Variants in ALDH1L1 observed in about 807,000 individuals in gnomAD.
The protein encoded by ALDH1L1 is cytosolic 10-formyltetrahydrofolate dehydrogenase.
ALDH1L1 carries 68 observed loss-of-function variants against 101.1 expected under a neutral mutation model. The observed-to-expected ratio is 0.67, with a 90% CI of 0.55 to 0.82. The LOEUF (loss-of-function observed/expected upper bound fraction) is 0.82, where lower values mean the gene tolerates loss of function less well. Among genes scored for constraint, ALDH1L1 ranks in the 40% least tolerant of loss-of-function variants. The pLI is 0.00. For missense variants in ALDH1L1, 1,087 were observed against 1,172.7 expected (o/e 0.93, Z 1.07); for synonymous variants, 486 against 470.8 (o/e 1.03, Z -0.42).
intron 1 of ALDH1L1, among the ~76,000 whole-genome samples, chr3:126,163,074 T>C (rs1435168371): frequency 6.6e-6 from 1 of 152,212 alleles, no homozygotes; most frequent in African/African-American, 2.4e-5. Context: ...TAAAGCTTTA[T>C]TGTAGCTGAT....
At chr3:126,144,544 C>T (rs2080633903) in intron 9 of ALDH1L1, among the ~76,000 whole-genome samples, 1 of 152,138 alleles carries the variant, frequency 6.6e-6, no homozygotes, top group Admixed American at 6.5e-5. Context: ...TAGAAATAAA[C>T]CTAAACATAT....
At chr3:126,162,803 G>A (rs1310238719) in intron 1 of ALDH1L1, among the ~76,000 whole-genome samples, 1 of 152,122 alleles carries the variant, frequency 6.6e-6, no homozygotes, top group Non-Finnish European at 1.5e-5. Flanking sequence ...TGTCATTCAA[G>A]ATCTTTATTG....
intron 1 of ALDH1L1, among the ~76,000 whole-genome samples, chr3:126,165,386 T>A (rs2108313295): frequency 6.6e-6 from 1 of 152,350 alleles, no homozygotes; most frequent in East Asian, 1.9e-4. Context: ...AAGTTTTCTT[T>A]TTTTGTTATG....
rs375437366 is a variant in ALDH1L1, at chr3:126,131,556, G to A, written c.1473-22C>T. ...CAACCTGACCAGGGTGAGGGGAAGC[G>A]GGAGGTGGGCTCAGGCCTGGCACGG... On this transcript the variant is annotated intron_variant, in intron 12 of 22. Transcript: ENST00000393434. 2.3e-5 allele frequency: 36 copies of A among 1,594,022 alleles called. No homozygotes were observed. The African/African-American group carries it at 2.7e-4, about 12-fold the overall frequency.
At chr3:126,146,762 C>G in intron 9 of ALDH1L1, 73 bp downstream of exon 9, 1 of 1,509,572 alleles carries the variant, frequency 6.6e-7, no homozygotes, top group Non-Finnish European at 9.1e-7. Context: ...TTGTTTCCTG[C>G]TGCTCAGTTT....
rs375361827 is a variant in ALDH1L1, at chr3:126,109,965, C to T, written c.2326G>A (p.Gly776Arg). 2.5e-6 allele frequency: 4 copies of T among 1,614,066 alleles called. No homozygotes were observed. The highest frequency in any genetic ancestry group is 3.4e-6 in the Non-Finnish European group (4 of 1,179,984). The change falls in exon 20 of 23, where the codon GGG (glycine) becomes AGG (arginine). Residue 776 changes from glycine (G) to arginine (R), a missense_variant. Around this residue, in one of 2 missense-constraint regions of ALDH1L1, gnomAD observed 442 missense variants for 535.7 expected, o/e 0.83. Coordinates refer to ENST00000393434, the MANE Select transcript of ALDH1L1 (RefSeq NM_012190.4). ...TCACCTGGCCGAGGGACCTGATTCCCGCCGCAGACCAGTGTGGCCCCTTCC... is the reference window on the plus strand; with the variant it reads ...TCACCTGGCCGAGGGACCTGATTCCTGCCGCAGACCAGTGTGGCCCCTTCC... ...VKEGATLVCG[G>R]NQVPRPGFFF...
intron 1 of ALDH1L1, among the ~76,000 whole-genome samples, chr3:126,164,623 T>C (rs1307130178): frequency 6.6e-6 from 1 of 152,268 alleles, no homozygotes; most frequent in Non-Finnish European, 1.5e-5. Flanking sequence ...TCCACCATTG[T>C]TGGGCACCTA....
In ALDH1L1 at chr3:126,114,527, G is replaced by A. The variant is rs113332154; in HGVS notation, c.2082+30C>T. ...CCTACAGTCCCTGTTCCCGCTCACTGTCCCTGCCCCCTCCAGGCCCGGCCC... is the reference window on the plus strand; with the variant it reads ...CCTACAGTCCCTGTTCCCGCTCACTATCCCTGCCCCCTCCAGGCCCGGCCC... On this transcript the variant is annotated intron_variant, in intron 18 of 22. Transcript: ENST00000393434. 33 of 1,474,056 alleles carry A rather than the reference G, an allele frequency of 2.2e-5. 1 individual carries two copies. In the African/African-American group the frequency reaches 4.2e-4, roughly 19 times the overall value. The allele number at this position is 1,474,056 out of a possible 1,614,324, so 91.3% of individuals were successfully genotyped here.
intron 8 of ALDH1L1, among the ~76,000 whole-genome samples, chr3:126,148,494 C>T (rs2080742082): frequency 6.6e-6 from 1 of 152,186 alleles, no homozygotes; most frequent in South Asian, 2.1e-4. Flanking sequence ...TTGGCCATGT[C>T]CCCTCTATCA....
intron 18 of ALDH1L1, 150 bp downstream of exon 18, chr3:126,114,407 C>G: frequency 1.9e-6 from 1 of 537,066 alleles, no homozygotes; most frequent in Non-Finnish European, 3.0e-6. Context: ...CCTAAGCCTG[C>G]TGCCTGCCAC....
chr3:126,129,364 C>A (rs1047036109), intron 14 of ALDH1L1: 1 of 152,350 alleles, frequency 6.6e-6, no homozygotes, highest in Non-Finnish European at 1.5e-5. Context: ...GGTCCCCTAC[C>A]CTGCAAGGGG....
At chr3:126,107,623 C>G (rs1945927587) in intron 20 of ALDH1L1, among the ~76,000 whole-genome samples, 1 of 152,234 alleles carries the variant, frequency 6.6e-6, no homozygotes, top group Non-Finnish European at 1.5e-5. Context: ...CAGGTGAAAC[C>G]TCCCAGGCAG....
intron 1 of ALDH1L1, among the ~76,000 whole-genome samples, chr3:126,192,018 C>T (rs780344021): frequency 1.3e-5 from 2 of 152,094 alleles, no homozygotes; most frequent in Admixed American, 6.5e-5. Flanking sequence ...AAGTAAAAAG[C>T]GAACAAATAC....
intron 7 of ALDH1L1, chr3:126,152,060 C>T (rs1377150071): frequency 6.6e-6 from 1 of 152,482 alleles, no homozygotes; most frequent in Non-Finnish European, 1.5e-5. Context: ...GCAGCAAGGG[C>T]TGGATGATAA....
chr3:126,155,257 T>C (rs2080881910), intron 5 of ALDH1L1, 145 bp downstream of exon 5: 2 of 636,936 alleles, frequency 3.1e-6, no homozygotes, highest in Admixed American at 3.5e-5. Context: ...TCTTCATGCA[T>C]CCCTGACCTG....
intron 14 of ALDH1L1, among the ~76,000 whole-genome samples, 167 bp from the exon 15 acceptor site, chr3:126,125,888 G>C (rs367841344): frequency 6.6e-6 from 1 of 152,320 alleles, no homozygotes. Context: ...TGCTGTTTCT[G>C]TCCTGGATGC....
At chr3:126,111,060 C>T (rs1446501391) in intron 19 of ALDH1L1, among the ~76,000 whole-genome samples, 1 of 152,248 alleles carries the variant, frequency 6.6e-6, no homozygotes, top group East Asian at 1.9e-4. Flanking sequence ...ATGACCGCCA[C>T]TTTATCTCCA....
At chr3:126,181,321 C>T (rs980147405), upstream of ALDH1L1, 1 of 399,894 alleles carries the variant, frequency 2.5e-6, no homozygotes, top group Non-Finnish European at 4.7e-6. Context: ...CTGGAACACC[C>T]TTCCCACCAC....
chr3:126,153,408 T>C, intron 7 of ALDH1L1, 36 bp downstream of exon 7: 1 of 1,610,652 alleles, frequency 6.2e-7, no homozygotes, highest in Non-Finnish European at 8.5e-7. Flanking sequence ...CATGGGTGGC[T>C]TTGAGCAGGC....
Sources: allele counts gnomAD v4.1 joint callset (sites outside exome capture counted in the v4.1 genomes callset), GRCh38; gene constraint gnomAD v4.1.1; regional missense constraint gnomAD v4.1.1; transcripts MANE v1.5; gene names NCBI Gene and HGNC (gene_info 2026-07-23, HGNC 2026-07-21).